The following MYCBP2 variants were observed in gnomAD, a reference collection of about 807,000 sequenced individuals.
MYCBP2 encodes MYC binding protein 2.
MYCBP2 carries 120 observed loss-of-function variants against 525.3 expected under a neutral mutation model. That is an observed-to-expected ratio of 0.23 (90% confidence interval 0.20 to 0.27). The LOEUF is 0.27. Ranked by LOEUF, MYCBP2 falls within the 10% of genes least tolerant of loss-of-function variation. The probability of loss-of-function intolerance (pLI) is 1.00; values close to 1 mark genes in which losing one functional copy is unlikely to be tolerated. For missense variants in MYCBP2, 4,149 were observed against 5,657.1 expected (o/e 0.73, Z 8.55); for synonymous variants, 1,894 against 1,955.8 (o/e 0.97, Z 0.83).
At chr13:77,251,037 G>T in intron 15 of MYCBP2, 114 bp downstream of exon 15, 1 of 758,766 alleles carries the variant, frequency 1.3e-6, no homozygotes, top group South Asian at 2.1e-5. Flanking sequence ...AAGATCAAGT[G>T]AAGATGCCAC....
intron 54 of MYCBP2, among the ~76,000 whole-genome samples, chr13:77,122,644 C>G (rs1175267164): frequency 2.0e-5 from 3 of 148,090 alleles, no homozygotes; most frequent in South Asian, 2.1e-4. Flanking sequence ...GAGCCGAGAT[C>G]GCGCCACTGC....
chr13:77,212,066 G>C lies in MYCBP2; in HGVS notation c.3152C>G (p.Ala1051Gly). Reference protein sequence around the residue: ...PNIGSKYGRKATWIGASGDQT... With the variant: ...PNIGSKYGRKGTWIGASGDQT... The stretch of plus-strand genomic sequence containing the variant: ...GTCCCCACTTGCACCTATCCAAGTA[G>C]CTTTTCTTCCATATTTTGATCCAAT... Residue 1051 changes from alanine to glycine, a missense_variant, in exon 22 of 83, where the codon GCT becomes GGT. Ala to Gly is a moderately conservative substitution (Grantham distance 60, BLOSUM62 0). Around this residue, in one of 21 missense-constraint regions of MYCBP2, gnomAD observed 620 missense variants for 795.5 expected, o/e 0.78. Coordinates refer to ENST00000544440, the MANE Select transcript of MYCBP2 (RefSeq NM_015057.5). 1.2e-6 allele frequency: 2 copies of C among 1,614,086 alleles called. No homozygotes were observed. The highest frequency in any genetic ancestry group is 1.7e-6 in the Non-Finnish European group (2 of 1,179,966).
At chr13:77,195,505 A>C (rs569904385) in intron 26 of MYCBP2, among the ~76,000 whole-genome samples, 53 of 150,830 alleles carry the variant, frequency 3.5e-4, no homozygotes, top group Non-Finnish European at 6.4e-4. Context: ...GCTGAGGCAG[A>C]AGAATTGCTT....
intron 68 of MYCBP2, among the ~76,000 whole-genome samples, chr13:77,073,899 T>C (rs73239449): frequency 0.022 from 3,369 of 152,136 alleles, 57 homozygotes; most frequent in Middle Eastern, 0.075. Context: ...AAACCCCTGA[T>C]ACATATCATG....
intron 17 of MYCBP2, among the ~76,000 whole-genome samples, chr13:77,237,970 G>A (rs565004836): frequency 3.4e-4 from 52 of 152,194 alleles, no homozygotes; most frequent in Admixed American, 6.5e-4. Flanking sequence ...CATGCCGGAC[G>A]CGGTGGCTCA....
chr13:77,306,972 C>T (rs1247862577), intron 1 of MYCBP2, among the ~76,000 whole-genome samples: 1 of 151,792 alleles, frequency 6.6e-6, no homozygotes, highest in African/African-American at 2.4e-5. Context: ...CAACCAAGCA[C>T]ATTTGAAAAA....
intron 30 of MYCBP2, among the ~76,000 whole-genome samples, chr13:77,186,618 T>G (rs1216247503): frequency 6.6e-6 from 1 of 152,062 alleles, no homozygotes; most frequent in Non-Finnish European, 1.5e-5. Context: ...ACTAAAAAAT[T>G]CCTATTTTGA....
Position 77,257,669 on chromosome 13 carries a change from A to C in MYCBP2, c.2176+2T>G. The stretch of plus-strand genomic sequence containing the variant: ...TTTAATATCTAAGAATTAAAGACCT[A>C]CCTTTCCCACCTTGGTTCATGGCAC... On this transcript the variant is annotated splice_donor_variant, in intron 14 of 82. Coordinates refer to ENST00000544440, the MANE Select transcript of MYCBP2 (RefSeq NM_015057.5). LOFTEE classifies it high-confidence loss of function. The C allele has an allele frequency of 6.4e-7, 1 of 1,556,376 alleles. No individual in the cohort carries two copies. The highest frequency in any genetic ancestry group is 8.6e-7 in the Non-Finnish European group (1 of 1,157,514).
At chr13:77,163,010 A>G (rs534798580) in intron 43 of MYCBP2, among the ~76,000 whole-genome samples, 13 of 152,140 alleles carry the variant, frequency 8.5e-5, no homozygotes, top group Non-Finnish European at 1.6e-4. Context: ...GCTTTTCTCA[A>G]TATAATTTGG....
At chr13:77,122,434 G>C (rs2050887037) in intron 54 of MYCBP2, among the ~76,000 whole-genome samples, 1 of 151,918 alleles carries the variant, frequency 6.6e-6, no homozygotes, top group East Asian at 1.9e-4. Flanking sequence ...GGTCGCGGTG[G>C]CTTACGCTTG....
At chr13:77,181,632 A>T in intron 33 of MYCBP2, 69 bp downstream of exon 33, 1 of 1,246,350 alleles carries the variant, frequency 8.0e-7, no homozygotes, top group Non-Finnish European at 1.2e-6. Flanking sequence ...CTCTGTATAA[A>T]AGAGGCAATA....
chr13:77,241,808 C>G (rs1296044635), intron 17 of MYCBP2, among the ~76,000 whole-genome samples: 1 of 152,032 alleles, frequency 6.6e-6, no homozygotes, highest in Non-Finnish European at 1.5e-5. Context: ...GTGTATTATA[C>G]ATTTTACTAC....
intron 26 of MYCBP2, among the ~76,000 whole-genome samples, chr13:77,200,745 C>A (rs1405491155): frequency 6.6e-6 from 1 of 152,184 alleles, no homozygotes; most frequent in Non-Finnish European, 1.5e-5. Flanking sequence ...ATTCAACATT[C>A]TTTAAGAAAA....
At chr13:77,236,867 T>C (rs1473909121) in intron 17 of MYCBP2, among the ~76,000 whole-genome samples, 1 of 151,742 alleles carries the variant, frequency 6.6e-6, no homozygotes, top group Non-Finnish European at 1.5e-5. Context: ...ATCCTGCCTC[T>C]ACAAAAAATA....
chr13:77,070,173 A>C (rs887984920), intron 69 of MYCBP2, among the ~76,000 whole-genome samples: 3 of 152,228 alleles, frequency 2.0e-5, no homozygotes, highest in African/African-American at 7.2e-5. Flanking sequence ...AGTTTTCATA[A>C]GTAAAATCTT....
At chr13:77,075,688 G>A in intron 68 of MYCBP2, 1 of 152,120 alleles carries the variant, frequency 6.6e-6, no homozygotes. Context: ...GGGGGTGAGG[G>A]GAATGCAGAG....
At chr13:77,149,863 T>G (rs780426026) in intron 47 of MYCBP2, among the ~76,000 whole-genome samples, 2 of 152,190 alleles carry the variant, frequency 1.3e-5, no homozygotes, top group Non-Finnish European at 2.9e-5. Context: ...TCAGCATATC[T>G]CACCAAATTA....
intron 20 of MYCBP2, among the ~76,000 whole-genome samples, chr13:77,218,719 T>C (rs957309363): frequency 9.2e-5 from 14 of 152,236 alleles, no homozygotes; most frequent in Non-Finnish European, 1.8e-4. Context: ...ACAGTAACTA[T>C]TATGATAAAT....
intron 55 of MYCBP2, chr13:77,110,023 T>G (rs1414273442): frequency 2.0e-5 from 3 of 152,186 alleles, no homozygotes; most frequent in Non-Finnish European, 1.5e-5. Context: ...CATGTGTGTT[T>G]GAACAACATG....
Sources: gnomAD v4.1 joint callset for allele counts (sites outside exome capture counted in the v4.1 genomes callset) on GRCh38, gnomAD v4.1.1 for gene constraint, gnomAD v4.1.1 regional missense constraint, MANE v1.5 for transcripts, NCBI Gene and HGNC (gene_info 2026-07-23, HGNC 2026-07-21) for gene names.